EYS: variants seen among roughly 807,000 people sequenced by gnomAD.
EYS encodes the protein EGF-like photoreceptor maintenance factor.
EYS carries 250 observed loss-of-function variants against 282.1 expected under a neutral mutation model. The ratio of observed to expected loss-of-function variants is 0.89; its 90% confidence interval spans 0.80 to 0.98. The LOEUF (loss-of-function observed/expected upper bound fraction) is 0.98. Ranked by LOEUF, EYS falls within the 50% of genes least tolerant of loss-of-function variation. EYS has a pLI of 0.00. For synonymous variants in EYS, 1,355 were observed against 1,282.9 expected (o/e 1.06, Z -1.20); for missense variants, 4,016 against 3,709.0 (o/e 1.08, Z -2.15).
intron 12 of EYS, among the ~76,000 whole-genome samples, chr6:65,106,768 C>A (rs1775051320): frequency 1.3e-5 from 2 of 152,094 alleles, no homozygotes; most frequent in Admixed American, 6.6e-5. Flanking sequence ...TTCAAATAGA[C>A]CTACATAGGT....
At chr6:65,371,020 T>C (rs1413529870) in intron 8 of EYS, among the ~76,000 whole-genome samples, 2 of 150,138 alleles carry the variant, frequency 1.3e-5, no homozygotes, top group South Asian at 4.2e-4. Flanking sequence ...ACACAGAAAG[T>C]GGAGATGACA....
chr6:64,795,834 A>G (rs1774339433), intron 22 of EYS, among the ~76,000 whole-genome samples: 1 of 152,178 alleles, frequency 6.6e-6, no homozygotes, highest in Non-Finnish European at 1.5e-5. Flanking sequence ...TACTTTTTTC[A>G]AACATATACA....
chr6:65,159,079 T>C (rs1764792558), intron 12 of EYS, among the ~76,000 whole-genome samples: 1 of 150,910 alleles, frequency 6.6e-6, no homozygotes, highest in South Asian at 2.1e-4. Flanking sequence ...ATCTTGCTCT[T>C]TTGGGATCTG....
chr6:64,654,844 A>C lies in EYS; in HGVS notation c.3444-28599T>G, dbSNP rs544227526. ...CATTATTAACAAGCTATGAAAAGTC[A>C]CCGGCTAAATGTCACCAAAGCTGAG... On this transcript the variant is annotated intron_variant, in intron 22 of 42. Coordinates refer to ENST00000503581, the MANE Select transcript of EYS (RefSeq NM_001142800.2). 2.6e-4 allele frequency among the ~76,000 whole-genome samples: 40 copies of C among 152,276 alleles called. 1 individual carries two copies. The South Asian group carries it at 8.1e-3, about 31-fold the overall frequency.
At chr6:65,555,509 T>C (rs1768765841) in intron 2 of EYS, among the ~76,000 whole-genome samples, 1 of 152,194 alleles carries the variant, frequency 6.6e-6, no homozygotes, top group South Asian at 2.1e-4. Flanking sequence ...AAAATGTTTA[T>C]ATATTTAATT....
intron 35 of EYS, among the ~76,000 whole-genome samples, chr6:63,921,033 C>G (rs532068733): frequency 6.6e-6 from 1 of 152,266 alleles, no homozygotes; most frequent in Non-Finnish European, 1.5e-5. Context: ...GCTGGGACTA[C>G]AGGCACTGGC....
At position 65,098,713 on chromosome 6, in the gene EYS, T is replaced by C. The variant is rs546810647; in HGVS notation, c.2024-40986A>G. ...CTGGTAGAACAGCAACTAAATGGTG[T>C]TTACAACATTACAAATAAATTTTAA... On this transcript the variant is annotated intron_variant, in intron 12 of 42. Transcript: ENST00000503581. Among the ~76,000 whole-genome samples the C allele has an allele frequency of 2.0e-5, 3 of 150,900 alleles. No homozygotes were observed. The East Asian group carries it at 5.8e-4, about 29-fold the overall frequency.
intron 26 of EYS, among the ~76,000 whole-genome samples, chr6:64,562,834 G>A (rs958226103): frequency 1.3e-5 from 2 of 151,804 alleles, no homozygotes; most frequent in African/African-American, 4.8e-5. Context: ...TACTTACTAT[G>A]TCTTTCTTTC....
At chr6:65,183,821 G>A (rs1765451423) in intron 12 of EYS, among the ~76,000 whole-genome samples, 2 of 151,788 alleles carry the variant, frequency 1.3e-5, no homozygotes, top group Non-Finnish European at 2.9e-5. Flanking sequence ...AGTGTAGTTG[G>A]TATTTTCTTC....
chr6:65,004,747 C>A (rs1162544103), intron 13 of EYS, among the ~76,000 whole-genome samples: 3 of 147,240 alleles, frequency 2.0e-5, no homozygotes. Context: ...ATAAAGGCAT[C>A]CAATTTATTC....
intron 12 of EYS, among the ~76,000 whole-genome samples, chr6:65,063,735 A>G (rs1198699334): frequency 6.6e-6 from 1 of 151,936 alleles, no homozygotes. Context: ...TGTTATTCAA[A>G]TTTTTTTCTT....
At chr6:63,936,092 T>C (rs1470463514) in intron 35 of EYS, among the ~76,000 whole-genome samples, 1 of 152,188 alleles carries the variant, frequency 6.6e-6, no homozygotes, top group Non-Finnish European at 1.5e-5. Flanking sequence ...TTACTTTATG[T>C]TTAGTTCCAA....
chr6:63,760,143 TCA>T, intron 41 of EYS, among the ~76,000 whole-genome samples: 1 of 152,138 alleles, frequency 6.6e-6, no homozygotes, highest in South Asian at 2.1e-4. Flanking sequence ...AGTAAAAAAC[TCA>T]CACATTATGG....
chr6:63,791,764 G>A (rs114266195), intron 37 of EYS, among the ~76,000 whole-genome samples: 1,837 of 152,214 alleles, frequency 0.012, 30 homozygotes, highest in African/African-American at 0.042. Context: ...TTTTGAATAA[G>A]AGAAGTGTAT....
chr6:63,879,811 C>T (rs1279212203), intron 35 of EYS, among the ~76,000 whole-genome samples: 1 of 152,056 alleles, frequency 6.6e-6, no homozygotes, highest in African/African-American at 2.4e-5. Flanking sequence ...TAAAATGAAG[C>T]ATCTGGGGTG....
intron 29 of EYS, among the ~76,000 whole-genome samples, chr6:64,329,089 T>C (rs1770536403): frequency 2.0e-5 from 3 of 152,110 alleles, no homozygotes; most frequent in African/African-American, 7.2e-5. Context: ...CCAGGCTCCA[T>C]TTCATTAGGC....
intron 37 of EYS, among the ~76,000 whole-genome samples, chr6:63,804,036 G>C (rs1256442995): frequency 2.6e-5 from 4 of 152,046 alleles, no homozygotes; most frequent in Non-Finnish European, 1.5e-5. Flanking sequence ...TTTTTCTTGA[G>C]ACAGAGTTTT....
chr6:64,579,716 T>A (rs1006296203), intron 26 of EYS, among the ~76,000 whole-genome samples: 1 of 152,144 alleles, frequency 6.6e-6, no homozygotes, highest in East Asian at 1.9e-4. Context: ...ATATTCTCAG[T>A]GTAGAACTGA....
At chr6:65,258,347 T>G (rs1767528142) in intron 12 of EYS, among the ~76,000 whole-genome samples, 1 of 152,022 alleles carries the variant, frequency 6.6e-6, no homozygotes, top group African/African-American at 2.4e-5. Context: ...GATCCAAAAT[T>G]TCCACAATTT....
Sources: allele counts gnomAD v4.1 joint callset (sites outside exome capture counted in the v4.1 genomes callset), GRCh38; gene constraint gnomAD v4.1.1; transcripts MANE v1.5; gene names NCBI Gene and HGNC (gene_info 2026-07-23, HGNC 2026-07-21).